PHACTR1: variants seen among roughly 807,000 people sequenced by gnomAD.
PHACTR1 encodes the protein phosphatase and actin regulator 1.
A neutral mutation model predicts 69.2 loss-of-function variants in PHACTR1; 16 were observed. That is an observed-to-expected ratio of 0.23 (90% CI 0.16 to 0.35). The LOEUF (loss-of-function observed/expected upper bound fraction) is 0.35, where lower values mean the gene tolerates loss of function less well. PHACTR1 is among the 10% of genes least tolerant of loss of function. The probability of loss-of-function intolerance (pLI) is 1.00; values close to 1 mark genes in which losing one functional copy is unlikely to be tolerated. For missense variants in PHACTR1, 510 were observed against 734.7 expected, an observed-to-expected ratio of 0.69 and a Z score of 3.54; for synonymous variants, 312 against 284.5, an observed-to-expected ratio of 1.10 and a Z score of -0.97.
chr6:12,776,614 T>A (rs1770094572), intron 4 of PHACTR1, among the ~76,000 whole-genome samples: 1 of 152,232 alleles, frequency 6.6e-6, no homozygotes, highest in Non-Finnish European at 1.5e-5. Context: ...ATTTTAATAT[T>A]TGGAATTTCA....
chr6:13,198,363 A>G (rs1278862154), intron 7 of PHACTR1, among the ~76,000 whole-genome samples: 3 of 152,210 alleles, frequency 2.0e-5, no homozygotes, highest in Non-Finnish European at 4.4e-5. Flanking sequence ...CCTCGGGATG[A>G]TGGGCTTCCT....
At chr6:13,177,381 C>A (rs58793951) in intron 6 of PHACTR1, among the ~76,000 whole-genome samples, 42,455 of 147,486 alleles carry the variant, frequency 0.29, 6,382 homozygotes, top group Admixed American at 0.36. Flanking sequence ...CTCTCTCTCT[C>A]TATATATATA....
chr6:13,179,100 G>A lies in PHACTR1; in HGVS notation c.497-3419G>A, dbSNP rs1761804617. Reference sequence around the variant, plus strand: ...AAAATATAAAAATTAGTGGGGCATGGTGGTGTGGGCCTGTGGTCCCAGCTA... The same window carrying A: ...AAAATATAAAAATTAGTGGGGCATGATGGTGTGGGCCTGTGGTCCCAGCTA... On this transcript the variant is annotated intron_variant, in intron 6 of 14. Coordinates refer to ENST00000332995, the MANE Select transcript of PHACTR1 (RefSeq NM_030948.6). This position sits in a 1 kb window ranked among gnomAD's most constrained non-coding sequence, Gnocchi z 4.2. 6.6e-6 allele frequency among the ~76,000 whole-genome samples: 1 copy of A among 152,068 alleles called. No individual in the cohort carries two copies. The highest frequency in any genetic ancestry group is 1.5e-5 in the Non-Finnish European group (1 of 68,012).
chr6:13,101,603 T>C (rs1446586580), intron 5 of PHACTR1, among the ~76,000 whole-genome samples: 1 of 152,228 alleles, frequency 6.6e-6, no homozygotes, highest in East Asian at 1.9e-4. Flanking sequence ...CCTCTAGTTA[T>C]GTAACTCACA....
chr6:12,920,036 C>G (rs1047838149), intron 4 of PHACTR1, among the ~76,000 whole-genome samples: 21 of 152,070 alleles, frequency 1.4e-4, no homozygotes, highest in African/African-American at 4.8e-4. Flanking sequence ...GGATAATTAT[C>G]AAAAAGAGAC....
At chr6:12,965,711 G>A (rs1051446075) in intron 4 of PHACTR1, among the ~76,000 whole-genome samples, 2 of 152,276 alleles carry the variant, frequency 1.3e-5, no homozygotes, top group South Asian at 2.1e-4. Context: ...CCAAAGGTAC[G>A]TACAGGTGGG....
chr6:12,796,880 A>G (rs188657984), intron 4 of PHACTR1, among the ~76,000 whole-genome samples: 123 of 152,300 alleles, frequency 8.1e-4, no homozygotes, highest in African/African-American at 2.8e-3. Flanking sequence ...AGCAGTTATT[A>G]TCGCCTCCAT....
At position 12,941,883 on chromosome 6, in the gene PHACTR1, ACAT is replaced by A. The variant is rs1256885049; in HGVS notation, c.251-111478_251-111476del. ...TCATTATATGGGGCTTGCAATCAAA[ACAT>A]CATGAGTGGACCTGAATTAACTAAA... On this transcript the variant is annotated intron_variant, in intron 4 of 14. Transcript: ENST00000332995. Among the ~76,000 whole-genome samples, 11 of 152,348 alleles carry A rather than the reference ACAT, an allele frequency of 7.2e-5. No individual in the cohort carries two copies. In the East Asian group the frequency reaches 1.7e-3, roughly 24 times the overall value.
At chr6:12,959,824 C>A (rs985641709) in intron 4 of PHACTR1, among the ~76,000 whole-genome samples, 1 of 152,226 alleles carries the variant, frequency 6.6e-6, no homozygotes, top group Non-Finnish European at 1.5e-5. Context: ...ATTTGCTCCT[C>A]TGCATAGATC....
intron 4 of PHACTR1, among the ~76,000 whole-genome samples, chr6:12,846,557 C>T (rs1370206140): frequency 1.3e-5 from 2 of 152,134 alleles, no homozygotes; most frequent in South Asian, 4.2e-4. Flanking sequence ...TACTTACAAA[C>T]CAAACCAGAT....
chr6:12,768,551 A>T (rs972839256), intron 4 of PHACTR1, among the ~76,000 whole-genome samples: 1 of 132,682 alleles, frequency 7.5e-6, no homozygotes, highest in South Asian at 3.0e-4. Context: ...TGGGTGGATT[A>T]GTATGAAGGG....
chr6:13,038,765 G>A (rs1259377168), intron 4 of PHACTR1, among the ~76,000 whole-genome samples: 1 of 152,168 alleles, frequency 6.6e-6, no homozygotes, highest in Non-Finnish European at 1.5e-5. Context: ...GAAGCACAGA[G>A]GCGGTCAGTT....
intron 5 of PHACTR1, among the ~76,000 whole-genome samples, chr6:13,059,674 G>A (rs936610747): frequency 6.6e-6 from 1 of 152,098 alleles, no homozygotes; most frequent in African/African-American, 2.4e-5. Flanking sequence ...ATAAAAAAAT[G>A]GTTTTAAAGT....
At chr6:13,144,092 TCA>T (rs1281971665) in intron 5 of PHACTR1, among the ~76,000 whole-genome samples, 15 of 152,102 alleles carry the variant, frequency 9.9e-5, no homozygotes, top group African/African-American at 3.1e-4. Flanking sequence ...AGAAGAAAAC[TCA>T]CAGTAGATAA....
At chr6:13,182,380 A>T in intron 6 of PHACTR1, 139 bp from the exon 7 acceptor site, 1 of 992,582 alleles carries the variant, frequency 1.0e-6, no homozygotes, top group Non-Finnish European at 1.6e-6. Context: ...TAAATGTCTT[A>T]AAAGCAAAAT....
intron 4 of PHACTR1, among the ~76,000 whole-genome samples, chr6:12,915,838 C>G (rs963268455): frequency 5.9e-5 from 9 of 152,232 alleles, no homozygotes; most frequent in African/African-American, 2.2e-4. Context: ...TTTGCTCTCA[C>G]ATGGACTTTG....
chr6:13,264,489 G>T (rs1776333718), intron 10 of PHACTR1, among the ~76,000 whole-genome samples: 1 of 151,912 alleles, frequency 6.6e-6, no homozygotes, highest in South Asian at 2.1e-4. Flanking sequence ...GAGGCTGAGG[G>T]TGGGTGGATC....
intron 5 of PHACTR1, among the ~76,000 whole-genome samples, chr6:13,080,431 G>A (rs1303674124): frequency 6.6e-6 from 1 of 152,068 alleles, no homozygotes; most frequent in East Asian, 1.9e-4. Context: ...GGGTCAAAAT[G>A]GATAAGACTT....
chr6:13,007,113 A>G (rs189967309), intron 4 of PHACTR1, among the ~76,000 whole-genome samples: 2 of 152,350 alleles, frequency 1.3e-5, no homozygotes. Context: ...GGTCTGACTC[A>G]TTCTTTTTAG....
Sources: allele counts gnomAD v4.1 joint callset (sites outside exome capture counted in the v4.1 genomes callset), GRCh38; gene constraint gnomAD v4.1.1; non-coding constraint Gnocchi (gnomAD v3.1); transcripts MANE v1.5; gene names NCBI Gene and HGNC (gene_info 2026-07-23, HGNC 2026-07-21).